The following NAV2 variants were observed in gnomAD, a reference collection of about 807,000 sequenced individuals.
NAV2 encodes the protein neuron navigator 2.
Under a neutral mutation model 223.2 loss-of-function variants are expected in NAV2, and 54 were observed. The ratio of observed to expected loss-of-function variants is 0.24; its 90% CI spans 0.19 to 0.30. NAV2 has a LOEUF of 0.30. NAV2 is among the 10% of genes least tolerant of loss of function. The pLI, the probability that NAV2 is intolerant of heterozygous loss-of-function variation, is 1.00. For missense variants in NAV2, 2,806 were observed against 3,147.5 expected, an observed-to-expected ratio of 0.89 and a Z score of 2.60; for synonymous variants, 1,279 against 1,239.3, an observed-to-expected ratio of 1.03 and a Z score of -0.67.
At chr11:19,994,591 C>T (rs1327747299) in intron 11 of NAV2, among the ~76,000 whole-genome samples, 2 of 151,520 alleles carry the variant, frequency 1.3e-5, no homozygotes, top group Non-Finnish European at 2.9e-5. Flanking sequence ...GAAAGGTCAG[C>T]CTAGCCATGA....
intron 1 of NAV2, among the ~76,000 whole-genome samples, chr11:19,479,801 A>G (rs1344719066): frequency 1.3e-5 from 2 of 152,190 alleles, no homozygotes; most frequent in Non-Finnish European, 2.9e-5. Flanking sequence ...ACCAACCAAG[A>G]CAAAAGCCTT....
At chr11:20,053,998 A>G in intron 17 of NAV2, 82 bp from the exon 18 acceptor site, 1 of 1,357,258 alleles carries the variant, frequency 7.4e-7, no homozygotes, top group Non-Finnish European at 1.0e-6. Context: ...TTTTCTTTTT[A>G]TATATTTACC....
At chr11:19,804,931 G>C (rs1358384094) in intron 1 of NAV2, among the ~76,000 whole-genome samples, 1 of 152,234 alleles carries the variant, frequency 6.6e-6, no homozygotes, top group East Asian at 1.9e-4. Context: ...CCAGAGGCTG[G>C]AAAGAGGTGG....
chr11:20,066,967 AG>A (rs1264245974), intron 20 of NAV2, among the ~76,000 whole-genome samples: 2 of 152,158 alleles, frequency 1.3e-5, no homozygotes, highest in Non-Finnish European at 2.9e-5. Flanking sequence ...GGAGAGGGAA[AG>A]AAAGGTTCCT....
intron 2 of NAV2, among the ~76,000 whole-genome samples, chr11:19,833,040 A>G (rs1373336913): frequency 6.6e-6 from 1 of 152,200 alleles, no homozygotes; most frequent in Non-Finnish European, 1.5e-5. Context: ...TCAAAGGCTA[A>G]GACTCCAGAG....
chr11:19,483,274 G>A (rs2042336040), intron 1 of NAV2, among the ~76,000 whole-genome samples: 1 of 152,204 alleles, frequency 6.6e-6, no homozygotes, highest in African/African-American at 2.4e-5. Flanking sequence ...ATGTCATTCT[G>A]AGTAGTGTGA....
chr11:19,417,710 C>G (rs1035257049), intron 1 of NAV2, among the ~76,000 whole-genome samples: 2 of 152,156 alleles, frequency 1.3e-5, no homozygotes, highest in African/African-American at 4.8e-5. Context: ...TTGGAACCAA[C>G]CCAAATGCCG....
intron 11 of NAV2, among the ~76,000 whole-genome samples, chr11:19,999,247 G>A (rs938408936): frequency 6.7e-6 from 1 of 149,136 alleles, no homozygotes; most frequent in East Asian, 1.9e-4. Context: ...TCAGTCCTCA[G>A]CCAGTCCTCA....
At chr11:19,985,945 T>TAA (rs35163423) in intron 11 of NAV2, among the ~76,000 whole-genome samples, 26 of 151,300 alleles carry the variant, frequency 1.7e-4, no homozygotes, top group East Asian at 3.9e-4. Context: ...ATAATAACAG[T>TAA]AAAAAAAAAT....
chr11:19,446,802 T>A (rs1851601287), intron 1 of NAV2, among the ~76,000 whole-genome samples: 1 of 152,152 alleles, frequency 6.6e-6, no homozygotes, highest in African/African-American at 2.4e-5. Flanking sequence ...CTTTTGAATA[T>A]GACCATCCCA....
At chr11:19,404,074 A>T (rs1849793082) in intron 1 of NAV2, among the ~76,000 whole-genome samples, 1 of 152,136 alleles carries the variant, frequency 6.6e-6, no homozygotes, top group Non-Finnish European at 1.5e-5. Context: ...AGGTGGGGGC[A>T]GATTCTGTTG....
intron 7 of NAV2, among the ~76,000 whole-genome samples, chr11:19,936,537 C>T (rs1411044213): frequency 6.6e-6 from 1 of 152,190 alleles, no homozygotes; most frequent in East Asian, 1.9e-4. Context: ...GGGTAACTAA[C>T]GTCCTTCTGT....
upstream of NAV2, chr11:19,711,145 A>T (rs1057076764): frequency 1.3e-5 from 2 of 152,218 alleles, no homozygotes; most frequent in African/African-American, 2.4e-5. Context: ...ATTTCAGCCT[A>T]ACTAGAGTAG....
intron 1 of NAV2, among the ~76,000 whole-genome samples, chr11:19,749,529 T>G (rs781602599): frequency 6.6e-6 from 1 of 152,222 alleles, no homozygotes; most frequent in Non-Finnish European, 1.5e-5. Context: ...ACTTCCCCTT[T>G]CATTTCCCTG....
At chr11:19,882,715 A>G (rs1361603435) in intron 5 of NAV2, among the ~76,000 whole-genome samples, 1 of 152,218 alleles carries the variant, frequency 6.6e-6, no homozygotes, top group Non-Finnish European at 1.5e-5. Flanking sequence ...CCTAAAGAAG[A>G]GCCAAACTTA....
At chr11:19,704,148 T>C (rs1265139554) in intron 1 of NAV2, among the ~76,000 whole-genome samples, 1 of 152,144 alleles carries the variant, frequency 6.6e-6, no homozygotes, top group African/African-American at 2.4e-5. Flanking sequence ...GGAAGCCCTG[T>C]CTCAGAGCAC....
At chr11:19,940,344 G>A (rs548920731) in intron 8 of NAV2, among the ~76,000 whole-genome samples, 15 of 152,206 alleles carry the variant, frequency 9.9e-5, no homozygotes, top group Non-Finnish European at 1.5e-4. Context: ...ATCCACAGTC[G>A]TTGTATAGTT....
At chr11:19,583,927 G>T (rs1350996089) in intron 1 of NAV2, among the ~76,000 whole-genome samples, 2 of 152,166 alleles carry the variant, frequency 1.3e-5, no homozygotes, top group African/African-American at 4.8e-5. Flanking sequence ...TTTTTCTGTT[G>T]ATTGGAATAG....
At chr11:19,491,600 A>G (rs1403627945) in intron 1 of NAV2, among the ~76,000 whole-genome samples, 1 of 152,176 alleles carries the variant, frequency 6.6e-6, no homozygotes, top group Admixed American at 6.5e-5. Flanking sequence ...CTTTGGCTTA[A>G]GGGAATGTTG....
Sources: allele counts gnomAD v4.1 joint callset (sites outside exome capture counted in the v4.1 genomes callset), GRCh38; gene constraint gnomAD v4.1.1; transcripts MANE v1.5; gene names NCBI Gene and HGNC (gene_info 2026-07-23, HGNC 2026-07-21).